Variants in C16orf74 observed in about 807,000 individuals in gnomAD.
C16orf74 encodes uncharacterized protein C16orf74.
Under a neutral mutation model 6.5 loss-of-function variants are expected in C16orf74, and 10 were observed. That is an observed-to-expected ratio of 1.54 (90% CI 0.95 to 2.61). The LOEUF (loss-of-function observed/expected upper bound fraction) is 2.61. Ranked by LOEUF, C16orf74 falls within the 30% of genes most tolerant of loss-of-function variation. C16orf74 has a pLI of 0.00. For missense variants in C16orf74, 141 were observed against 105.9 expected, an observed-to-expected ratio of 1.33 and a Z score of -1.45; for synonymous variants, 60 against 42.5, an observed-to-expected ratio of 1.41 and a Z score of -1.60.
intron 2 of C16orf74, among the ~76,000 whole-genome samples, chr16:85,714,961 C>T (rs1166444129): frequency 6.6e-6 from 1 of 151,240 alleles, no homozygotes; most frequent in Non-Finnish European, 1.5e-5. Context: ...TCGAGACCAT[C>T]CTGGCTAACA....
intron 1 of C16orf74, among the ~76,000 whole-genome samples, chr16:85,742,089 G>A (rs958016230): frequency 6.6e-6 from 1 of 152,118 alleles, no homozygotes; most frequent in Non-Finnish European, 1.5e-5. Context: ...AAGAAGCCTG[G>A]TGGCTGGGCG....
At chr16:85,741,585 CA>C (rs1431860300) in intron 1 of C16orf74, 3 of 170,388 alleles carry the variant, frequency 1.8e-5, no homozygotes, top group African/African-American at 4.8e-5. Flanking sequence ...AGTTTTCACA[CA>C]GCAAGTTTTC....
At chr16:85,740,827 C>CAAAAG (rs2054298176) in intron 1 of C16orf74, among the ~76,000 whole-genome samples, 1 of 97,900 alleles carries the variant, frequency 1.0e-5, no homozygotes, top group Non-Finnish European at 1.8e-5. Flanking sequence ...GTGAGACCCT[C>CAAAAG]AAAAAAAAAA....
rs184008713 is a variant in C16orf74, at chr16:85,715,490, C to T, written c.29-5183G>A. Reference sequence around the variant, plus strand: ...CTGGAATCTGGCTGACCCCAAGAGCCGGTGCTTCCTGTAGCATAATCCCAT... The same window carrying T: ...CTGGAATCTGGCTGACCCCAAGAGCTGGTGCTTCCTGTAGCATAATCCCAT... On this transcript the variant is annotated intron_variant, in intron 2 of 3. Transcript: ENST00000284245. 5.9e-5 allele frequency among the ~76,000 whole-genome samples: 9 copies of T among 152,276 alleles called. No individual in the cohort carries two copies. In the East Asian group the frequency reaches 7.7e-4, roughly 13 times the overall value.
intron 2 of C16orf74, among the ~76,000 whole-genome samples, chr16:85,711,983 T>G (rs2053974874): frequency 6.6e-6 from 1 of 152,202 alleles, no homozygotes; most frequent in African/African-American, 2.4e-5. Flanking sequence ...CAAATAGGAC[T>G]GCCATGATGG....
chr16:85,719,655 C>T (rs1337867148), intron 2 of C16orf74, among the ~76,000 whole-genome samples: 1 of 152,142 alleles, frequency 6.6e-6, no homozygotes, highest in Non-Finnish European at 1.5e-5. Flanking sequence ...AGCCCACTCA[C>T]AGTACCAAGA....
At chr16:85,740,851 G>GAA (rs1407659357) in intron 1 of C16orf74, among the ~76,000 whole-genome samples, 16 of 116,812 alleles carry the variant, frequency 1.4e-4, no homozygotes, top group Admixed American at 7.5e-4. Flanking sequence ...AAAAAAGAAA[G>GAA]AAAATATACA....
In C16orf74 at chr16:85,726,208, T is replaced by A. The variant is rs2054131573; in HGVS notation, c.28+8982A>T. Among the ~76,000 whole-genome samples the A allele has an allele frequency of 2.0e-5, 3 of 152,130 alleles. No individual in the cohort carries two copies. The South Asian group carries it at 6.2e-4, about 32-fold the overall frequency. ...CACGAAATCCAGCCTGCTGGGTGTG[T>A]GTTTGTTCACACACACCATTCCACA... On this transcript the variant is annotated intron_variant, in intron 2 of 3. Coordinates refer to ENST00000284245, the MANE Select transcript of C16orf74 (RefSeq NM_206967.3).
At chr16:85,744,674 C>CA (rs561350428) in intron 1 of C16orf74, among the ~76,000 whole-genome samples, 19 of 151,658 alleles carry the variant, frequency 1.3e-4, no homozygotes, top group East Asian at 3.9e-4. Flanking sequence ...ACTAAAAATA[C>CA]AAAAAATTAG....
Position 85,740,784 on chromosome 16 carries a change from A to G in C16orf74, c.-18-5549T>C, listed in dbSNP as rs925943683. Among the ~76,000 whole-genome samples the G allele has an allele frequency of 2.3e-5, 3 of 129,602 alleles. No individual in the cohort carries two copies. The South Asian group carries it at 7.8e-4, about 34-fold the overall frequency. 85.0% of individuals were successfully genotyped at this position (129,602 alleles called of 152,430 possible). A position where few individuals can be genotyped will look rare whatever the true frequency, so the allele number is the denominator to read the frequency against. On this transcript the variant is annotated intron_variant, in intron 1 of 3. Transcript: ENST00000284245. ...GAGATGGAGGTTTTAGTGAGCTGAG[A>G]TTGTGCCACTACACTCCAGCCTGGG...
intron 2 of C16orf74, among the ~76,000 whole-genome samples, chr16:85,711,761 C>T (rs2053972649): frequency 6.6e-6 from 1 of 152,130 alleles, no homozygotes; most frequent in East Asian, 1.9e-4. Flanking sequence ...ATTAAATTAG[C>T]TCAAGTATCA....
intron 2 of C16orf74, 59 bp from the exon 3 acceptor site, chr16:85,710,366 G>C: frequency 1.4e-6 from 2 of 1,420,588 alleles, no homozygotes; most frequent in Non-Finnish European, 1.8e-6. Flanking sequence ...ACAGGCATCA[G>C]TGGCCGCCGG....
intron 1 of C16orf74, among the ~76,000 whole-genome samples, chr16:85,745,137 T>C (rs1346902389): frequency 8.1e-5 from 7 of 86,038 alleles, no homozygotes; most frequent in African/African-American, 1.6e-4. Context: ...CGAAACTCTG[T>C]CTAAAAAAAA....
intron 1 of C16orf74, among the ~76,000 whole-genome samples, chr16:85,738,013 G>A (rs1240693147): frequency 5.0e-5 from 7 of 140,414 alleles, no homozygotes; most frequent in South Asian, 4.4e-4. Context: ...TATTTTATGC[G>A]TGGTCCAAGA....
At chr16:85,726,620 T>A (rs2054135250) in intron 2 of C16orf74, among the ~76,000 whole-genome samples, 1 of 152,164 alleles carries the variant, frequency 6.6e-6, no homozygotes, top group Non-Finnish European at 1.5e-5. Context: ...TAACTCCTGG[T>A]TCAGCGGGGA....
intron 2 of C16orf74, among the ~76,000 whole-genome samples, chr16:85,732,328 C>T (rs147041167): frequency 1.3e-5 from 2 of 152,192 alleles, no homozygotes; most frequent in Non-Finnish European, 2.9e-5. Context: ...ACAGTAAGAC[C>T]CCATGTTACA....
chr16:85,710,993 G>C (rs758555931), intron 2 of C16orf74: 1 of 152,232 alleles, frequency 6.6e-6, no homozygotes, highest in Non-Finnish European at 1.5e-5. Context: ...GCGCATGCTC[G>C]AGACAGAGTA....
intron 2 of C16orf74, among the ~76,000 whole-genome samples, chr16:85,728,312 T>C (rs890144342): frequency 2.0e-5 from 3 of 152,132 alleles, no homozygotes; most frequent in Non-Finnish European, 4.4e-5. Flanking sequence ...ATCTTTTCAA[T>C]TTTTCTGTAA....
Position 85,739,288 on chromosome 16 carries a change from G to A in C16orf74, c.-18-4053C>T, listed in dbSNP as rs148917679. Among the ~76,000 whole-genome samples, 8 of 152,232 alleles carry A rather than the reference G, an allele frequency of 5.3e-5. No homozygotes were observed. In the East Asian group the frequency reaches 7.7e-4, roughly 15 times the overall value. On this transcript the variant is annotated intron_variant, in intron 1 of 3. Transcript: ENST00000284245. ...TCGACATCCCAACCAAGCGCAGACCGGCCCTGCACAAAGTACTCGGATTTT... is the reference window on the plus strand; with the variant it reads ...TCGACATCCCAACCAAGCGCAGACCAGCCCTGCACAAAGTACTCGGATTTT...
Sources: gnomAD v4.1 joint callset for allele counts (sites outside exome capture counted in the v4.1 genomes callset) on GRCh38, gnomAD v4.1.1 for gene constraint, MANE v1.5 for transcripts, NCBI Gene and HGNC (gene_info 2026-07-23, HGNC 2026-07-21) for gene names.